PCDHGB1: variants seen among roughly 807,000 people sequenced by gnomAD.
The protein encoded by PCDHGB1 is protocadherin gamma subfamily B, 1, also known as protocadherin gamma-B1.
In PCDHGB1, 34 loss-of-function variants were observed where a neutral mutation model predicts 56.6. The ratio of observed to expected loss-of-function variants is 0.60; its 90% confidence interval spans 0.46 to 0.80. The LOEUF is 0.80. PCDHGB1 is among the 30% of genes least tolerant of loss of function. The probability of loss-of-function intolerance (pLI) is 0.00; values close to 1 mark genes in which losing one functional copy is unlikely to be tolerated. For missense variants in PCDHGB1, 1,278 were observed against 1,204.6 expected, an observed-to-expected ratio of 1.06 and a Z score of -0.90; for synonymous variants, 561 against 505.9, an observed-to-expected ratio of 1.11 and a Z score of -1.46.
rs749499883 is a variant in PCDHGB1 at position 141,486,382 on chromosome 5, C to T, written c.2410-8425C>T. ...TTGCCCTCAAGTCTGCCTTCAGGAA[C>T]CAGTTCTCCCTGGTGACTGCTGGAC... is the stretch of plus-strand genomic sequence containing the variant. On this transcript the variant is annotated intron_variant, in intron 1 of 3. Transcript: ENST00000523390. The surrounding 1 kb of genome is among the most constrained non-coding windows in gnomAD (Gnocchi z 5.0). 25 of 1,613,986 alleles carry T rather than the reference C, an allele frequency of 1.5e-5. No homozygotes were observed. The highest frequency in any genetic ancestry group is 1.9e-5 in the Non-Finnish European group (23 of 1,179,998).
At chr5:141,363,263 C>T (rs933065042) in intron 1 of PCDHGB1, among the ~76,000 whole-genome samples, 3 of 152,278 alleles carry the variant, frequency 2.0e-5, no homozygotes, top group South Asian at 2.1e-4. Context: ...TTACTTAAAA[C>T]TTTGCTTTTG....
chr5:141,373,769 T>A (rs1466229132), intron 1 of PCDHGB1: 3 of 255,350 alleles, frequency 1.2e-5, no homozygotes, highest in Non-Finnish European at 2.2e-5. Flanking sequence ...ATGAGTGTCA[T>A]CTCTGCAGAT....
At chr5:141,500,991 C>T (rs2099804636) in intron 2 of PCDHGB1, among the ~76,000 whole-genome samples, 1 of 152,024 alleles carries the variant, frequency 6.6e-6, no homozygotes, top group South Asian at 2.1e-4. Flanking sequence ...GCCTCAGCCT[C>T]CTGAGTAGCT....
At chr5:141,375,121 A>G (rs1483677104) in intron 1 of PCDHGB1, 1 of 1,613,942 alleles carries the variant, frequency 6.2e-7, no homozygotes, top group Non-Finnish European at 8.5e-7. Context: ...ATGTACCAGA[A>G]GTGGTTGTTA....
intron 1 of PCDHGB1, chr5:141,356,981 T>C: frequency 6.2e-7 from 1 of 1,614,246 alleles, no homozygotes; most frequent in South Asian, 1.1e-5. Flanking sequence ...GTGGTGGCAG[T>C]GGACAGAGAC....
intron 1 of PCDHGB1, chr5:141,410,503 A>G: frequency 6.2e-7 from 1 of 1,613,958 alleles, no homozygotes; most frequent in Non-Finnish European, 8.5e-7. Context: ...TTAATTTCCT[A>G]AAATGCAGTG....
intron 1 of PCDHGB1, chr5:141,356,164 C>T (rs1760136427): frequency 6.2e-7 from 1 of 1,612,932 alleles, no homozygotes; most frequent in Non-Finnish European, 8.5e-7. Flanking sequence ...TGTAGAAGCC[C>T]ATGATGGGCC....
chr5:141,385,635 C>G (rs148433768), intron 1 of PCDHGB1: 13 of 870,194 alleles, frequency 1.5e-5, no homozygotes, highest in African/African-American at 1.8e-5. Context: ...TGAATCGAGT[C>G]TTTCATATTG....
In PCDHGB1 at chr5:141,433,028, G is replaced by T. The variant is rs539293579; in HGVS notation, c.2410-61779G>T. 27 of 1,614,116 alleles carry T rather than the reference G, an allele frequency of 1.7e-5. No individual in the cohort carries two copies. The highest frequency in any genetic ancestry group is 6.7e-5 in the Admixed American group (4 of 60,018). On this transcript the variant is annotated intron_variant, in intron 1 of 3. Coordinates refer to ENST00000523390, the MANE Select transcript of PCDHGB1 (RefSeq NM_018922.3). ...TTTCCTGCAGACCTATTCCCACGAG[G>T]TTTCCCTCACCACGGACTCGCGGAA...
Position 141,352,219 on chromosome 5 carries a change from C to G in PCDHGB1, c.1959C>G (p.Thr653=), listed in dbSNP as rs557328770. Residue 653 remains threonine (T), a synonymous_variant, in exon 1 of 4, where the codon ACC becomes ACG. Transcript: ENST00000523390. ...GAGGACAGCCGCCACTCTCCGCCAC[C>G]GCCACGCTGCACCTAATCTTCGCGG... ...RDGGQPPLSA[T]ATLHLIFADS... is the part of the protein sequence containing the mutation. The G allele has an allele frequency of 1.7e-4, 282 of 1,613,688 alleles. No homozygotes were observed. The highest frequency in any genetic ancestry group is 2.9e-4 in the East Asian group (13 of 44,884).
chr5:141,384,652 G>T (rs372721131), intron 1 of PCDHGB1: 1 of 1,614,228 alleles, frequency 6.2e-7, no homozygotes, highest in South Asian at 1.1e-5. Context: ...CGCAGAGCCC[G>T]GCTACCTGGT....
intron 1 of PCDHGB1, chr5:141,385,433 G>A (rs2024141): frequency 0.085 from 123,181 of 1,452,862 alleles, 5,787 homozygotes; most frequent in East Asian, 0.14. Context: ...ACTTTATAGA[G>A]GTAAAAATGA....
At chr5:141,464,282 A>AG (rs1318553407) in intron 1 of PCDHGB1, among the ~76,000 whole-genome samples, 1 of 151,396 alleles carries the variant, frequency 6.6e-6, no homozygotes, top group Non-Finnish European at 1.5e-5. Flanking sequence ...AAAAAAGCAA[A>AG]AAAAAAAACT....
At position 141,387,719 on chromosome 5, in the gene PCDHGB1, C is replaced by T. The variant is rs953272587; in HGVS notation, c.2409+35050C>T. The T allele has an allele frequency of 4.5e-6, 5 of 1,115,502 alleles. No homozygotes were observed. In the African/African-American group the frequency reaches 4.7e-5, roughly 11 times the overall value. 69.1% of individuals were successfully genotyped at this position (1,115,502 alleles called of 1,614,324 possible). On this transcript the variant is annotated intron_variant, in intron 1 of 3. Transcript: ENST00000523390. The stretch of plus-strand genomic sequence containing the variant: ...TTCCAGGGCAGCCCCAGCTCAGACT[C>T]CCCAGCGCCAGCCTTTACACCGCTT...
chr5:141,357,280 G>T (rs375096659), intron 1 of PCDHGB1: 9 of 1,613,820 alleles, frequency 5.6e-6, no homozygotes, highest in Non-Finnish European at 7.6e-6. Context: ...ACTCTATCTC[G>T]TGGTGGCAGT....
intron 1 of PCDHGB1, among the ~76,000 whole-genome samples, chr5:141,488,139 T>A (rs906194527): frequency 6.6e-6 from 1 of 152,084 alleles, no homozygotes; most frequent in Non-Finnish European, 1.5e-5. Context: ...AGGAGAGAAC[T>A]AAAGGAATAG....
chr5:141,360,210 C>G (rs748051773), intron 1 of PCDHGB1: 2 of 1,613,122 alleles, frequency 1.2e-6, no homozygotes, highest in East Asian at 2.2e-5. Flanking sequence ...TGTCTTTGTT[C>G]CCCGGGGCTC....
In PCDHGB1 at chr5:141,491,867, T is replaced by A. The variant is rs1424221139; in HGVS notation, c.2410-2940T>A. On this transcript the variant is annotated intron_variant, in intron 1 of 3. Transcript: ENST00000523390. The surrounding 1 kb of genome is among the most constrained non-coding windows in gnomAD (Gnocchi z 6.9). ...TTGGACCGTTTGCGCGAAACCAGAG[T>A]GGCCGATTAAGGGATGGGGCTCCGA... 6.9e-7 allele frequency: 1 copy of A among 1,452,218 alleles called. No homozygotes were observed. The highest frequency in any genetic ancestry group is 9.1e-7 in the Non-Finnish European group (1 of 1,099,056). The allele number at this position is 1,452,218 out of a possible 1,614,324, so 90.0% of individuals were successfully genotyped here. A position where few individuals can be genotyped will look rare whatever the true frequency, so the allele number is the denominator to read the frequency against.
chr5:141,371,694 T>C, intron 1 of PCDHGB1: 1 of 1,614,030 alleles, frequency 6.2e-7, no homozygotes, highest in African/African-American at 1.3e-5. Flanking sequence ...ACCGCTCTCC[T>C]CCAGCAAGAC....
Sources: allele counts gnomAD v4.1 joint callset (sites outside exome capture counted in the v4.1 genomes callset), GRCh38; gene constraint gnomAD v4.1.1; non-coding constraint Gnocchi (gnomAD v3.1); transcripts MANE v1.5; gene names NCBI Gene and HGNC (gene_info 2026-07-23, HGNC 2026-07-21).